Variants in RBPJ observed in about 807,000 individuals in gnomAD.
The protein encoded by RBPJ is recombination signal binding protein for immunoglobulin kappa J region.
In RBPJ, 9 loss-of-function variants were observed where a neutral mutation model predicts 67.8. The observed-to-expected ratio is 0.13, with a 90% confidence interval of 0.08 to 0.23. RBPJ has a LOEUF of 0.23. Ranked by LOEUF, RBPJ falls within the 10% of genes least tolerant of loss-of-function variation. RBPJ has a pLI of 1.00. For missense variants in RBPJ, 305 were observed against 595.6 expected, an observed-to-expected ratio of 0.51 and a Z score of 5.08; for synonymous variants, 198 against 203.3, an observed-to-expected ratio of 0.97 and a Z score of 0.22.
intron 1 of RBPJ, among the ~76,000 whole-genome samples, chr4:26,214,678 G>T (rs1339285603): frequency 7.7e-6 from 1 of 130,074 alleles, no homozygotes; most frequent in Non-Finnish European, 1.6e-5. Context: ...AACAAGGGAG[G>T]GAGGAGAGAG....
At position 26,215,542 on chromosome 4, in the gene RBPJ, T is replaced by G. The variant is rs566631372; in HGVS notation, c.-167+51928T>G. On this transcript the variant is annotated intron_variant, in intron 1 of 4. Transcript: ENST00000512351. ...GACTCTTACAGATGCTAAGCTATAT[T>G]TGCTAAACGACTGAAATGTGCTTTT... 4.7e-4 allele frequency among the ~76,000 whole-genome samples: 72 copies of G among 152,214 alleles called. 1 individual carries two copies. The South Asian group carries it at 0.014, about 29-fold the overall frequency.
At chr4:26,219,941 A>G (rs987219929) in intron 1 of RBPJ, among the ~76,000 whole-genome samples, 1 of 86,878 alleles carries the variant, frequency 1.2e-5, no homozygotes, top group African/African-American at 4.2e-5. Flanking sequence ...ACGCCCAACT[A>G]ATTTTTTTTT....
the RBPJ span, among the ~76,000 whole-genome samples, chr4:26,123,207 C>T: frequency 1.3e-5 from 2 of 152,120 alleles, no homozygotes; most frequent in African/African-American, 2.4e-5. Context: ...AGAATACAAA[C>T]CTGGACAGCA....
At chr4:26,284,691 A>C (rs1359078393) in intron 1 of RBPJ, among the ~76,000 whole-genome samples, 1 of 151,644 alleles carries the variant, frequency 6.6e-6, no homozygotes, top group East Asian at 1.9e-4. Flanking sequence ...CTGGTCTCCA[A>C]CTCCTGACCT....
chr4:26,370,559 C>T (rs1454769717), intron 1 of RBPJ, among the ~76,000 whole-genome samples: 1 of 152,114 alleles, frequency 6.6e-6, no homozygotes, highest in Non-Finnish European at 1.5e-5. Flanking sequence ...GAGAGACTCC[C>T]ATTTAGATCT....
chr4:26,243,462 G>T (rs1309216526), intron 1 of RBPJ, among the ~76,000 whole-genome samples: 1 of 152,204 alleles, frequency 6.6e-6, no homozygotes, highest in Non-Finnish European at 1.5e-5. Flanking sequence ...CACTTTCTCA[G>T]TATTTCTGGA....
chr4:26,191,705 G>A (rs1577455826), intron 1 of RBPJ, among the ~76,000 whole-genome samples: 1 of 152,302 alleles, frequency 6.6e-6, no homozygotes, highest in African/African-American at 2.4e-5. Flanking sequence ...TACCAGGGAA[G>A]CTCATTAGAG....
the RBPJ span, among the ~76,000 whole-genome samples, chr4:26,153,151 AG>A: frequency 6.6e-6 from 1 of 152,240 alleles, no homozygotes; most frequent in East Asian, 1.9e-4. Context: ...ACCATCAGAA[AG>A]CAAAGGTGAC....
chr4:26,132,996 C>T, the RBPJ span, among the ~76,000 whole-genome samples: 1 of 152,210 alleles, frequency 6.6e-6, no homozygotes, highest in Non-Finnish European at 1.5e-5. Flanking sequence ...CCTTTGGGTT[C>T]CATGAGCCTT....
chr4:26,231,130 G>A (rs1213539842), intron 1 of RBPJ, among the ~76,000 whole-genome samples: 2 of 152,130 alleles, frequency 1.3e-5, no homozygotes, highest in Non-Finnish European at 2.9e-5. Flanking sequence ...TTTATTCACC[G>A]AAGGAGCAAT....
intron 1 of RBPJ, among the ~76,000 whole-genome samples, chr4:26,325,103 C>T (rs1723483878): frequency 1.3e-5 from 2 of 152,144 alleles, no homozygotes; most frequent in Admixed American, 6.5e-5. Context: ...ATACCATATT[C>T]CGTTTGGTTC....
intron 1 of RBPJ, among the ~76,000 whole-genome samples, chr4:26,295,955 T>C (rs1011179624): frequency 3.9e-5 from 6 of 152,196 alleles, no homozygotes; most frequent in African/African-American, 1.4e-4. Context: ...TCATTTGATA[T>C]CAGTAATGGA....
At chr4:26,220,002 C>A (rs1004948114) in intron 1 of RBPJ, among the ~76,000 whole-genome samples, 4 of 151,426 alleles carry the variant, frequency 2.6e-5, no homozygotes, top group Admixed American at 2.6e-4. Context: ...CCAGGATGGT[C>A]TCTATCTGGT....
intron 1 of RBPJ, among the ~76,000 whole-genome samples, chr4:26,243,386 T>C (rs1719715858): frequency 6.6e-6 from 1 of 152,222 alleles, no homozygotes; most frequent in African/African-American, 2.4e-5. Flanking sequence ...TTGCCAATGA[T>C]AGAATTTGAG....
chr4:26,237,014 G>A (rs905304071), intron 1 of RBPJ, among the ~76,000 whole-genome samples: 17 of 152,146 alleles, frequency 1.1e-4, no homozygotes, highest in East Asian at 3.9e-4. Context: ...CCAGAAAGCC[G>A]TAGAGCTCAG....
At chr4:26,296,153 C>T (rs1275404856) in intron 1 of RBPJ, among the ~76,000 whole-genome samples, 1 of 152,140 alleles carries the variant, frequency 6.6e-6, no homozygotes, top group African/African-American at 2.4e-5. Context: ...TCTGTAATTA[C>T]CAGTAGTTGC....
intron 4 of RBPJ, among the ~76,000 whole-genome samples, chr4:26,420,011 T>A (rs1238796781): frequency 6.6e-6 from 1 of 152,024 alleles, no homozygotes; most frequent in African/African-American, 2.4e-5. Flanking sequence ...TTAAGATATT[T>A]TATAATCATC....
chr4:26,430,612 A>G lies in RBPJ; in HGVS notation c.1149-80A>G. On this transcript the variant is annotated intron_variant, in intron 10 of 10. Coordinates refer to ENST00000355476, the MANE Select transcript of RBPJ (RefSeq NM_015874.6). The surrounding 1 kb of genome is among the most constrained non-coding windows in gnomAD (Gnocchi z 4.1). ...CCTGGCACTGATTGTAATGTATTAAACAACCTTGTGTTAAGTCTCATTTTT... is the reference window on the plus strand; with the variant it reads ...CCTGGCACTGATTGTAATGTATTAAGCAACCTTGTGTTAAGTCTCATTTTT... 6.5e-7 allele frequency: 1 copy of G among 1,546,774 alleles called. No individual in the cohort carries two copies. The highest frequency in any genetic ancestry group is 1.2e-5 in the South Asian group (1 of 84,130).
chr4:26,409,701 T>G (rs1161409822), intron 3 of RBPJ, among the ~76,000 whole-genome samples: 2 of 152,158 alleles, frequency 1.3e-5, no homozygotes, highest in Non-Finnish European at 2.9e-5. Flanking sequence ...GGTTTCACCA[T>G]GTTGGCCAGG....
Sources: gnomAD v4.1 joint callset for allele counts (sites outside exome capture counted in the v4.1 genomes callset) on GRCh38, gnomAD v4.1.1 for gene constraint, Gnocchi (gnomAD v3.1) non-coding constraint, MANE v1.5 for transcripts, NCBI Gene and HGNC (gene_info 2026-07-23, HGNC 2026-07-21) for gene names.